The following FRAS1 variants were observed in gnomAD, a reference collection of about 807,000 sequenced individuals.
FRAS1 encodes extracellular matrix organizing protein FRAS1.
FRAS1 carries 290 observed loss-of-function variants against 435.2 expected under a neutral mutation model. That is an observed-to-expected ratio of 0.67 (90% CI 0.61 to 0.73). The LOEUF (loss-of-function observed/expected upper bound fraction) is 0.73, where lower values mean the gene tolerates loss of function less well. Among genes scored for constraint, FRAS1 ranks in the 30% least tolerant of loss-of-function variants. The pLI is 0.00. For missense variants in FRAS1, 4,860 were observed against 5,001.5 expected (o/e 0.97, Z 0.85); for synonymous variants, 1,800 against 1,851.0 (o/e 0.97, Z 0.71).
At chr4:78,466,839 C>G (rs1719547531) in intron 50 of FRAS1, among the ~76,000 whole-genome samples, 1 of 151,996 alleles carries the variant, frequency 6.6e-6, no homozygotes, top group South Asian at 2.1e-4. Context: ...GACTAGGTCC[C>G]CTCAGCCTAA....
chr4:78,236,881 A>G (rs1194591646), intron 2 of FRAS1, among the ~76,000 whole-genome samples: 2 of 152,196 alleles, frequency 1.3e-5, no homozygotes, highest in African/African-American at 2.4e-5. Context: ...GACCCCAAAT[A>G]ATTTGTGAGA....
intron 2 of FRAS1, among the ~76,000 whole-genome samples, chr4:78,195,363 C>G (rs1192400169): frequency 6.6e-6 from 1 of 152,220 alleles, no homozygotes; most frequent in African/African-American, 2.4e-5. Context: ...TTGCCCTGCC[C>G]CCAGAGGTGG....
intron 34 of FRAS1, among the ~76,000 whole-genome samples, chr4:78,422,455 C>A (rs1336747303): frequency 6.6e-6 from 1 of 152,102 alleles, no homozygotes; most frequent in Non-Finnish European, 1.5e-5. Context: ...ACTGAGAGCT[C>A]AGTAAAGATA....
At chr4:78,194,833 A>T (rs1722726380) in intron 2 of FRAS1, among the ~76,000 whole-genome samples, 1 of 152,076 alleles carries the variant, frequency 6.6e-6, no homozygotes, top group South Asian at 2.1e-4. Context: ...GTTCCTTTGG[A>T]GGAGGAGAGA....
At position 78,066,015 on chromosome 4, in the gene FRAS1, C is replaced by A; in HGVS notation, c.107C>A (p.Ala36Glu). The A allele has an allele frequency of 1.9e-6, 3 of 1,602,774 alleles. 1 individual carries two copies. Among genetic ancestry groups the A allele is most frequent in the Non-Finnish European group, 2.6e-6 (3 of 1,170,778 alleles). ...GACVYQDSLL[A>E]DATIWKPDSC... ...TGTGTCTATCAGGATTCCTTGTTGG[C>A]GGTAGGTCATTCTTTACATACTTGG... Residue 36 changes from alanine to glutamate, a missense_variant and splice_region_variant, in exon 2 of 74, where the codon GCG becomes GAG. By Grantham distance (107) the Ala-to-Glu change is moderately radical. Coordinates refer to ENST00000512123, the MANE Select transcript of FRAS1 (RefSeq NM_025074.7).
intron 73 of FRAS1, 63 bp from the exon 74 acceptor site, chr4:78,540,468 C>T (rs1722012649): frequency 1.9e-6 from 2 of 1,070,094 alleles, no homozygotes; most frequent in Non-Finnish European, 1.3e-6. Flanking sequence ...ATTATCCTTC[C>T]ATTTCCTTTC....
At chr4:78,113,325 T>C (rs557102107) in intron 2 of FRAS1, among the ~76,000 whole-genome samples, 1 of 152,216 alleles carries the variant, frequency 6.6e-6, no homozygotes, top group African/African-American at 2.4e-5. Flanking sequence ...TGATTTATAA[T>C]CCTTTGGGTA....
chr4:78,482,005 C>A (rs1375876634), intron 57 of FRAS1, 41 bp downstream of exon 57: 3 of 1,590,740 alleles, frequency 1.9e-6, no homozygotes, highest in Middle Eastern at 1.7e-4. Flanking sequence ...GTTGACAGGT[C>A]GGTTTGTGAA....
At chr4:78,236,665 T>G (rs532043064) in intron 2 of FRAS1, among the ~76,000 whole-genome samples, 10 of 152,118 alleles carry the variant, frequency 6.6e-5, no homozygotes, top group African/African-American at 2.4e-4. Flanking sequence ...AGCTATGAGA[T>G]AGTTGGTTTC....
At chr4:78,109,425 G>T (rs1386968970) in intron 2 of FRAS1, among the ~76,000 whole-genome samples, 1 of 151,324 alleles carries the variant, frequency 6.6e-6, no homozygotes, top group African/African-American at 2.4e-5. Context: ...TTCATCCCTG[G>T]GATGCAAGGC....
chr4:78,157,749 C>T (rs1435527669), intron 2 of FRAS1, among the ~76,000 whole-genome samples: 1 of 152,150 alleles, frequency 6.6e-6, no homozygotes, highest in East Asian at 1.9e-4. Context: ...AATATTTTCT[C>T]CCATTCTGCA....
intron 2 of FRAS1, among the ~76,000 whole-genome samples, chr4:78,203,756 C>G (rs1454496768): frequency 1.3e-5 from 2 of 151,936 alleles, no homozygotes; most frequent in African/African-American, 4.8e-5. Flanking sequence ...TTAGTAGAAA[C>G]AGGGTTTCAC....
intron 2 of FRAS1, among the ~76,000 whole-genome samples, chr4:78,070,266 T>G (rs1740272151): frequency 6.6e-6 from 1 of 151,918 alleles, no homozygotes; most frequent in Non-Finnish European, 1.5e-5. Context: ...TATATATATA[T>G]ATATATATAC....
chr4:78,157,175 G>C (rs1207231521), intron 2 of FRAS1, among the ~76,000 whole-genome samples: 1 of 152,164 alleles, frequency 6.6e-6, no homozygotes, highest in Non-Finnish European at 1.5e-5. Flanking sequence ...TTATGGCTGT[G>C]TAGTTCCATG....
chr4:78,079,566 A>T (rs551177226), intron 2 of FRAS1, among the ~76,000 whole-genome samples: 1 of 152,310 alleles, frequency 6.6e-6, no homozygotes, highest in East Asian at 1.9e-4. Flanking sequence ...AATTAGCTTG[A>T]GACTGAGGTA....
chr4:78,082,554 G>A (rs1440383028), intron 2 of FRAS1, among the ~76,000 whole-genome samples: 1 of 151,946 alleles, frequency 6.6e-6, no homozygotes, highest in Admixed American at 6.6e-5. Context: ...GATGAATGGG[G>A]CTTTTTTTTC....
At chr4:78,464,792 T>C (rs529862335) in intron 49 of FRAS1, among the ~76,000 whole-genome samples, 3 of 152,254 alleles carry the variant, frequency 2.0e-5, no homozygotes, top group Non-Finnish European at 2.9e-5. Context: ...AAACCCTTTC[T>C]GAAAACCTAA....
At chr4:78,258,314 C>T (rs1272992941) in intron 6 of FRAS1, among the ~76,000 whole-genome samples, 1 of 148,666 alleles carries the variant, frequency 6.7e-6, no homozygotes, top group Non-Finnish European at 1.5e-5. Context: ...GCACTCCAGC[C>T]TGGGTGGCAG....
Position 78,245,285 on chromosome 4 carries a change from G to A in FRAS1, c.269G>A (p.Arg90Lys). ...CAATGCTGTCCTGAGTGTGTTTTGAGGACTCCAGGATCTTGCCATCATGAA... is the reference window on the plus strand; with the variant it reads ...CAATGCTGTCCTGAGTGTGTTTTGAAGACTCCAGGATCTTGCCATCATGAA... ...ANQCCPECVL[R>K]TPGSCHHEKK... The change falls in exon 4 of 74, where the codon AGG becomes AAG. Residue 90 changes from arginine (R) to lysine (K), a missense_variant. Coordinates refer to ENST00000512123, the MANE Select transcript of FRAS1 (RefSeq NM_025074.7). The A allele has an allele frequency of 1.2e-6, 2 of 1,608,980 alleles. No individual in the cohort carries two copies. The highest frequency in any genetic ancestry group is 1.7e-6 in the Non-Finnish European group (2 of 1,177,704).
Sources: allele counts gnomAD v4.1 joint callset (sites outside exome capture counted in the v4.1 genomes callset), GRCh38; gene constraint gnomAD v4.1.1; transcripts MANE v1.5; gene names NCBI Gene and HGNC (gene_info 2026-07-23, HGNC 2026-07-21).